The following PTPRD variants were observed in gnomAD, a reference collection of about 807,000 sequenced individuals.
PTPRD encodes protein tyrosine phosphatase receptor type D, also known as receptor-type tyrosine-protein phosphatase delta.
Under a neutral mutation model 214.5 loss-of-function variants are expected in PTPRD, and 34 were observed. The observed-to-expected ratio is 0.16, with a 90% CI of 0.12 to 0.21. PTPRD has a LOEUF of 0.21. Among genes scored for constraint, PTPRD ranks in the 10% least tolerant of loss-of-function variants. The pLI, the probability that PTPRD is intolerant of heterozygous loss-of-function variation, is 1.00. For missense variants in PTPRD, 2,545 were observed against 2,398.7 expected (o/e 1.06, Z -1.27); for synonymous variants, 1,128 against 845.7 (o/e 1.33, Z -5.79).
intron 3 of PTPRD, among the ~76,000 whole-genome samples, chr9:10,324,716 A>C (rs1298133115): frequency 1.3e-5 from 2 of 152,006 alleles, no homozygotes; most frequent in African/African-American, 4.8e-5. Flanking sequence ...CTTCAAAGAA[A>C]CACTCAGTCT....
At chr9:8,474,363 T>C (rs1565103914) in intron 30 of PTPRD, among the ~76,000 whole-genome samples, 1 of 152,094 alleles carries the variant, frequency 6.6e-6, no homozygotes, top group African/African-American at 2.4e-5. Flanking sequence ...TCCTGGGTGA[T>C]TTCAACCTTC....
intron 2 of PTPRD, among the ~76,000 whole-genome samples, chr9:10,359,252 T>C (rs1466708583): frequency 6.6e-6 from 1 of 152,030 alleles, no homozygotes. Flanking sequence ...ATGGTGTATG[T>C]ATGTGTGCAT....
At chr9:8,331,850 A>AAAGTTAGGAACATGTTT (rs1841540432) in intron 43 of PTPRD, 114 bp from the exon 44 acceptor site, 1 of 1,276,124 alleles carries the variant, frequency 7.8e-7, no homozygotes, top group South Asian at 1.6e-5. Context: ...AAGGGTAGAA[A>AAAGTTAGGAACATGTTT]AAGTTAGGAA....
intron 4 of PTPRD, among the ~76,000 whole-genome samples, chr9:9,951,279 G>C (rs1025842507): frequency 2.6e-5 from 4 of 152,130 alleles, no homozygotes; most frequent in African/African-American, 4.8e-5. Flanking sequence ...AAAAGCCTAA[G>C]GGCCTCAATG....
chr9:9,068,063 A>C (rs548607910), intron 10 of PTPRD, among the ~76,000 whole-genome samples: 1 of 152,328 alleles, frequency 6.6e-6, no homozygotes, highest in Admixed American at 6.5e-5. Flanking sequence ...TTAAAAAATT[A>C]TATACATAAA....
chr9:10,338,788 GA>G (rs1050042919), intron 3 of PTPRD, among the ~76,000 whole-genome samples: 7 of 151,164 alleles, frequency 4.6e-5, no homozygotes, highest in African/African-American at 9.7e-5. Context: ...TGGAACAGGA[GA>G]AAAAAAATAC....
chr9:9,911,406 A>G (rs2079143572), intron 5 of PTPRD, among the ~76,000 whole-genome samples: 1 of 148,784 alleles, frequency 6.7e-6, no homozygotes, highest in African/African-American at 2.5e-5. Context: ...TAGCCACACC[A>G]TAAAGAAGGC....
chr9:9,722,596 T>C (rs1262863690), intron 7 of PTPRD, among the ~76,000 whole-genome samples: 1 of 152,080 alleles, frequency 6.6e-6, no homozygotes, highest in African/African-American at 2.4e-5. Flanking sequence ...GAGTAGAATT[T>C]CCAAGTCACG....
intron 3 of PTPRD, among the ~76,000 whole-genome samples, chr9:10,146,917 A>C (rs1244379520): frequency 2.6e-5 from 4 of 152,162 alleles, no homozygotes; most frequent in African/African-American, 9.7e-5. Context: ...TAGGGACATG[A>C]ATGTGCTGCT....
At chr9:9,710,800 C>A (rs1209494808) in intron 7 of PTPRD, among the ~76,000 whole-genome samples, 3 of 152,132 alleles carry the variant, frequency 2.0e-5, no homozygotes, top group Admixed American at 2.0e-4. Flanking sequence ...CACACACACA[C>A]ACAGCAGTTT....
At chr9:10,156,076 GT>G (rs1187848354) in intron 3 of PTPRD, among the ~76,000 whole-genome samples, 2 of 107,440 alleles carry the variant, frequency 1.9e-5, no homozygotes, top group Admixed American at 1.2e-4. Context: ...TCTTTTGAAT[GT>G]TTGTGTGTGT....
intron 11 of PTPRD, among the ~76,000 whole-genome samples, chr9:8,946,938 C>G (rs1284800954): frequency 6.6e-6 from 1 of 150,726 alleles, no homozygotes; most frequent in Non-Finnish European, 1.5e-5. Flanking sequence ...TATTGTCTGT[C>G]TGCCTCTGCA....
intron 3 of PTPRD, among the ~76,000 whole-genome samples, chr9:10,228,279 T>G (rs1177906089): frequency 6.6e-6 from 1 of 152,040 alleles, no homozygotes; most frequent in Non-Finnish European, 1.5e-5. Context: ...TTCCTGTTAA[T>G]GTTTGAATAG....
At chr9:9,786,872 C>G (rs1202752166) in intron 5 of PTPRD, among the ~76,000 whole-genome samples, 1 of 151,804 alleles carries the variant, frequency 6.6e-6, no homozygotes, top group Non-Finnish European at 1.5e-5. Flanking sequence ...TGGCTGGGCA[C>G]AGTGGCTTAC....
chr9:9,290,024 G>A (rs957629244), intron 9 of PTPRD, among the ~76,000 whole-genome samples: 1 of 151,586 alleles, frequency 6.6e-6, no homozygotes, highest in African/African-American at 2.4e-5. Context: ...ATTTTTTGAG[G>A]AGCCTTCATA....
intron 35 of PTPRD, among the ~76,000 whole-genome samples, chr9:8,406,712 GAGTT>G (rs761681201): frequency 9.2e-5 from 14 of 152,146 alleles, no homozygotes; most frequent in African/African-American, 1.9e-4. Flanking sequence ...TATAACATGA[GAGTT>G]AGAGAACAAA....
At chr9:10,596,914 T>C (rs2076752346) in intron 2 of PTPRD, among the ~76,000 whole-genome samples, 2 of 151,476 alleles carry the variant, frequency 1.3e-5, no homozygotes, top group South Asian at 2.1e-4. Context: ...AAGTCTTAGG[T>C]AGTATATGTA....
chr9:9,666,290 C>A (rs2096720535), intron 7 of PTPRD, among the ~76,000 whole-genome samples: 1 of 151,796 alleles, frequency 6.6e-6, no homozygotes, highest in East Asian at 1.9e-4. Flanking sequence ...ATGAGTAGGA[C>A]TATATTTTAT....
chr9:9,742,061 G>C (rs1158941341), intron 6 of PTPRD, among the ~76,000 whole-genome samples: 2 of 152,088 alleles, frequency 1.3e-5, no homozygotes, highest in East Asian at 3.9e-4. Context: ...AACTAATTTA[G>C]ACTCCCACCA....
Sources: gnomAD v4.1 joint callset for allele counts (sites outside exome capture counted in the v4.1 genomes callset) on GRCh38, gnomAD v4.1.1 for gene constraint, MANE v1.5 for transcripts, NCBI Gene and HGNC (gene_info 2026-07-23, HGNC 2026-07-21) for gene names.